PCDH15: variants seen among roughly 807,000 people sequenced by gnomAD.
The protein encoded by PCDH15 is protocadherin-15.
Under a neutral mutation model 178.5 loss-of-function variants are expected in PCDH15, and 129 were observed. The observed-to-expected ratio is 0.72, with a 90% CI of 0.63 to 0.84. The LOEUF (loss-of-function observed/expected upper bound fraction) is 0.84. Ranked by LOEUF, PCDH15 falls within the 40% of genes least tolerant of loss-of-function variation. The pLI is 0.00. For missense variants in PCDH15, 2,230 were observed against 2,099.9 expected (o/e 1.06, Z -1.21); for synonymous variants, 800 against 732.0 (o/e 1.09, Z -1.50).
At chr10:54,600,207 C>A in intron 2 of PCDH15, 1 of 614,120 alleles carries the variant, frequency 1.6e-6, no homozygotes. Flanking sequence ...TAAAGGTGCA[C>A]TTGGAGAAAG....
intron 2 of PCDH15, among the ~76,000 whole-genome samples, chr10:54,983,567 A>T (rs1839293810): frequency 6.6e-6 from 1 of 152,156 alleles, no homozygotes; most frequent in Non-Finnish European, 1.5e-5. Flanking sequence ...ACCCAGGGTC[A>T]CTATTGATTA....
chr10:54,376,165 G>T (rs1322589174), intron 4 of PCDH15, among the ~76,000 whole-genome samples: 1 of 151,552 alleles, frequency 6.6e-6, no homozygotes, highest in Non-Finnish European at 1.5e-5. Flanking sequence ...AAAGTGCTGG[G>T]ATTACAGGCA....
At chr10:54,302,067 C>T (rs938075432) in intron 8 of PCDH15, among the ~76,000 whole-genome samples, 1 of 152,080 alleles carries the variant, frequency 6.6e-6, no homozygotes, top group Non-Finnish European at 1.5e-5. Context: ...TCAAAATCAA[C>T]ATAACATACT....
Position 55,053,282 on chromosome 10 carries a change from A to C in PCDH15, c.-80+113294T>G, listed in dbSNP as rs117737464. Among the ~76,000 whole-genome samples, 103 of 152,278 alleles carry C rather than the reference A, an allele frequency of 6.8e-4. 1 individual carries two copies. In the East Asian group the frequency reaches 0.018, roughly 27 times the overall value. On this transcript the variant is annotated intron_variant, in intron 2 of 5. Transcript: ENST00000458638. ...ACAAAGTAGTGCTCTGAAGGTCTAG[A>C]AGGGGTTCAAGTCTCAATTTCACAG... is the stretch of plus-strand genomic sequence containing the variant.
chr10:55,545,654 G>A (rs1013725850), intron 2 of PCDH15, among the ~76,000 whole-genome samples: 2 of 151,712 alleles, frequency 1.3e-5, no homozygotes, highest in Non-Finnish European at 2.9e-5. Context: ...CAGGTGATCC[G>A]CCCGCCTCAG....
chr10:55,463,766 A>G (rs556975464), intron 2 of PCDH15, among the ~76,000 whole-genome samples: 20 of 151,952 alleles, frequency 1.3e-4, no homozygotes, highest in African/African-American at 4.8e-4. Context: ...TGATCAGTAT[A>G]ACAATATATT....
chr10:54,520,247 A>G (rs1389328324), intron 3 of PCDH15, among the ~76,000 whole-genome samples: 1 of 152,234 alleles, frequency 6.6e-6, no homozygotes, highest in Non-Finnish European at 1.5e-5. Context: ...TCTGCAAAGC[A>G]AAAGAAACTA....
intron 2 of PCDH15, among the ~76,000 whole-genome samples, chr10:55,088,527 G>C (rs567932080): frequency 6.6e-6 from 1 of 151,936 alleles, no homozygotes; most frequent in Non-Finnish European, 1.5e-5. Flanking sequence ...GCCTGCCTTG[G>C]ACTCCTATAG....
At chr10:53,925,313 A>G (rs12412902) in intron 25 of PCDH15, among the ~76,000 whole-genome samples, 13,344 of 151,836 alleles carry the variant, frequency 0.088, 623 homozygotes, top group East Asian at 0.11. Context: ...AACCCCAGAC[A>G]TGCCACCTTA....
chr10:53,910,420 C>A (rs1187416860), intron 25 of PCDH15, among the ~76,000 whole-genome samples: 1 of 152,118 alleles, frequency 6.6e-6, no homozygotes, highest in African/African-American at 2.4e-5. Flanking sequence ...GCTAAGGGAC[C>A]TGACTGTTAG....
chr10:55,408,191 C>CT lies in PCDH15; in HGVS notation c.-156+219433dup, dbSNP rs71014483. On this transcript the variant is annotated intron_variant, in intron 2 of 5. Coordinates refer to the PCDH15 transcript ENST00000613346. The stretch of plus-strand genomic sequence containing the variant: ...AATAAAATAACCTTGATTCTTTTTT[C>CT]TTTTTTTTTTTTTGAGATGGAATCT... 7.1e-4 allele frequency among the ~76,000 whole-genome samples: 101 copies of CT among 142,852 alleles called. 2 individuals are homozygous for CT. Among genetic ancestry groups the CT allele is most frequent in the Middle Eastern group, 3.6e-3 (1 of 274 alleles). 93.7% of individuals were successfully genotyped at this position (142,852 alleles called of 152,430 possible).
At chr10:55,336,312 A>T (rs538337072) in intron 2 of PCDH15, among the ~76,000 whole-genome samples, 4 of 152,066 alleles carry the variant, frequency 2.6e-5, no homozygotes, top group Non-Finnish European at 4.4e-5. Flanking sequence ...ATCCTGGCCA[A>T]CATGGTGAAA....
In PCDH15 at chr10:54,844,320, C is replaced by T. The variant is rs539905971; in HGVS notation, c.-29+53130G>A. ...TATTTGTTAAAATCAAGATACAGTACATTTTGAGGAGATGCTAGAACTCAA... is the reference window on the plus strand; with the variant it reads ...TATTTGTTAAAATCAAGATACAGTATATTTTGAGGAGATGCTAGAACTCAA... On this transcript the variant is annotated intron_variant, in intron 3 of 5. Transcript: ENST00000458638. Among the ~76,000 whole-genome samples the T allele has an allele frequency of 9.9e-5, 15 of 152,084 alleles. No individual in the cohort carries two copies. In the East Asian group the frequency reaches 2.9e-3, roughly 29 times the overall value.
chr10:53,968,682 T>G (rs866052551), intron 21 of PCDH15, among the ~76,000 whole-genome samples: 1 of 152,122 alleles, frequency 6.6e-6, no homozygotes, highest in African/African-American at 2.4e-5. Context: ...GCAGCAACAT[T>G]TGCCATTCTG....
At chr10:54,364,156 G>A (rs1946463588) in intron 5 of PCDH15, among the ~76,000 whole-genome samples, 1 of 151,004 alleles carries the variant, frequency 6.6e-6, no homozygotes, top group Non-Finnish European at 1.5e-5. Context: ...AGGTTGTGCT[G>A]AGCCAAGATC....
At chr10:53,903,808 G>A (rs1047198980) in intron 25 of PCDH15, among the ~76,000 whole-genome samples, 1 of 152,026 alleles carries the variant, frequency 6.6e-6, no homozygotes. Flanking sequence ...ATCAGCAATG[G>A]CATTTCTTTA....
intron 1 of PCDH15, among the ~76,000 whole-genome samples, chr10:55,297,094 GTGT>G (rs1326829195): frequency 1.3e-5 from 2 of 151,814 alleles, no homozygotes; most frequent in Non-Finnish European, 2.9e-5. Context: ...AAGCCTTATG[GTGT>G]TTACATATTT....
At chr10:54,186,800 G>A (rs951790582) in intron 11 of PCDH15, among the ~76,000 whole-genome samples, 1 of 151,780 alleles carries the variant, frequency 6.6e-6, no homozygotes, top group Admixed American at 6.6e-5. Context: ...TAGAAAGCGG[G>A]ATATTCTAAA....
Position 54,590,919 on chromosome 10 carries a change from G to T in PCDH15, c.92-63042C>A, listed in dbSNP as rs116383759. On this transcript the variant is annotated intron_variant, in intron 2 of 37. Transcript: ENST00000644397. ...TTTCTGTTACCTCATTTGGGAAGGG[G>T]TCTAAAAACCCAGAAATAATAGTAT... Among the ~76,000 whole-genome samples the T allele has an allele frequency of 2.6e-5, 4 of 151,868 alleles. No individual in the cohort carries two copies. The East Asian group carries it at 7.7e-4, about 29-fold the overall frequency.
Sources: allele counts gnomAD v4.1 joint callset (sites outside exome capture counted in the v4.1 genomes callset), GRCh38; gene constraint gnomAD v4.1.1; transcripts MANE v1.5; gene names NCBI Gene and HGNC (gene_info 2026-07-23, HGNC 2026-07-21).